Variants in TMEM132D observed in about 807,000 individuals in gnomAD.
TMEM132D encodes the protein mature OL transmembrane protein.
Under a neutral mutation model 62.3 loss-of-function variants are expected in TMEM132D, and 21 were observed. The ratio of observed to expected loss-of-function variants is 0.34; its 90% CI spans 0.24 to 0.49. The LOEUF is 0.49. Among genes scored for constraint, TMEM132D ranks in the 20% least tolerant of loss-of-function variants. TMEM132D has a pLI of 0.99. For missense variants in TMEM132D, 1,346 were observed against 1,402.8 expected (o/e 0.96, Z 0.65); for synonymous variants, 621 against 575.6 (o/e 1.08, Z -1.13).
intron 3 of TMEM132D, among the ~76,000 whole-genome samples, chr12:129,414,340 AT>A (rs1418630804): frequency 6.6e-6 from 1 of 152,242 alleles, no homozygotes; most frequent in Non-Finnish European, 1.5e-5. Context: ...AAATGAATTA[AT>A]TTCAAAGTTG....
chr12:129,636,737 T>TGTGTGTGTGTGTGTGTGTGTGTGTGAGA (rs375868329), intron 2 of TMEM132D, among the ~76,000 whole-genome samples: 1 of 113,562 alleles, frequency 8.8e-6, no homozygotes, highest in Non-Finnish European at 1.8e-5. Flanking sequence ...TGTGTGTGTG[T>TGTGTGTGTGTGTGTGTGTGTGTGTGAGA]GAGAGAGAGA....
intron 3 of TMEM132D, among the ~76,000 whole-genome samples, chr12:129,450,347 TAA>T (rs1482936311): frequency 6.6e-6 from 1 of 152,218 alleles, no homozygotes; most frequent in Non-Finnish European, 1.5e-5. Flanking sequence ...GTTTTACATT[TAA>T]GTCTTGAATC....
chr12:129,315,605 C>CT (rs1566030894), intron 4 of TMEM132D, among the ~76,000 whole-genome samples: 1 of 152,046 alleles, frequency 6.6e-6, no homozygotes, highest in South Asian at 2.1e-4. Context: ...CTGTAGTTTT[C>CT]TTTTTTGGTT....
chr12:129,474,982 C>T (rs866642919), intron 3 of TMEM132D, among the ~76,000 whole-genome samples: 4 of 152,134 alleles, frequency 2.6e-5, no homozygotes, highest in African/African-American at 9.7e-5. Flanking sequence ...CTACTGTGTG[C>T]CTGAGATGGC....
intron 5 of TMEM132D, among the ~76,000 whole-genome samples, chr12:129,133,489 C>A (rs144751720): frequency 6.6e-6 from 1 of 152,384 alleles, no homozygotes; most frequent in East Asian, 1.9e-4. Context: ...GCTTCTTGAT[C>A]TGAAGCCTCC....
At chr12:129,545,347 T>C (rs142767225) in intron 2 of TMEM132D, among the ~76,000 whole-genome samples, 1 of 152,368 alleles carries the variant, frequency 6.6e-6, no homozygotes, top group Non-Finnish European at 1.5e-5. Flanking sequence ...CATCCAGTTC[T>C]CTGCTAGCCC....
At chr12:129,877,638 G>C (rs1210026461) in intron 1 of TMEM132D, among the ~76,000 whole-genome samples, 11 of 151,616 alleles carry the variant, frequency 7.3e-5, no homozygotes, top group Admixed American at 2.6e-4. Flanking sequence ...CAGAGAGAGA[G>C]AGAGAGAGAG....
At chr12:129,337,853 G>A in intron 3 of TMEM132D, 36 bp from the exon 4 acceptor site, 1 of 1,563,844 alleles carries the variant, frequency 6.4e-7, no homozygotes, top group Non-Finnish European at 8.7e-7. Flanking sequence ...AGCTTTCAGG[G>A]ACTGATGAGG....
At chr12:129,768,718 A>C (rs1176130725) in intron 1 of TMEM132D, among the ~76,000 whole-genome samples, 4 of 152,216 alleles carry the variant, frequency 2.6e-5, no homozygotes, top group African/African-American at 9.6e-5. Context: ...CCCTGTCAGC[A>C]GCTCTGCCGA....
At chr12:129,246,414 C>A (rs554154087) in intron 4 of TMEM132D, among the ~76,000 whole-genome samples, 3 of 152,062 alleles carry the variant, frequency 2.0e-5, no homozygotes, top group Non-Finnish European at 4.4e-5. Context: ...AGAAGCTGAA[C>A]CTGACGGGAA....
At chr12:129,836,290 A>C (rs930445299) in intron 1 of TMEM132D, among the ~76,000 whole-genome samples, 2 of 150,662 alleles carry the variant, frequency 1.3e-5, no homozygotes, top group African/African-American at 2.4e-5. Context: ...TTAATCCTCC[A>C]GTCTAATGTG....
At chr12:129,619,928 G>A (rs1269404965) in intron 2 of TMEM132D, among the ~76,000 whole-genome samples, 2 of 152,198 alleles carry the variant, frequency 1.3e-5, no homozygotes, top group African/African-American at 4.8e-5. Flanking sequence ...CTTGTCTCTA[G>A]AAAGTCATCC....
rs1278029297 is a variant in TMEM132D at position 129,877,607 on chromosome 12, G to A, written c.79+25654C>T. 8.5e-5 allele frequency among the ~76,000 whole-genome samples: 8 copies of A among 94,182 alleles called. No homozygotes were observed. The South Asian group carries it at 1.6e-3, about 19-fold the overall frequency. The allele number at this position is 94,182 out of a possible 152,430, so 61.8% of individuals were successfully genotyped here. A position where few individuals can be genotyped will look rare whatever the true frequency, so the allele number is the denominator to read the frequency against. On this transcript the variant is annotated intron_variant, in intron 1 of 8. Coordinates refer to ENST00000422113, the MANE Select transcript of TMEM132D (RefSeq NM_133448.3). ...AATAATACCTATTAACCAAACGCGC[G>A]CGCGCGCACACACACACACACAGAG... is the stretch of plus-strand genomic sequence containing the variant.
At chr12:129,822,959 G>T (rs1196350443) in intron 1 of TMEM132D, among the ~76,000 whole-genome samples, 1 of 152,208 alleles carries the variant, frequency 6.6e-6, no homozygotes, top group African/African-American at 2.4e-5. Flanking sequence ...CAATGTTGGG[G>T]ATGGGACCTG....
At chr12:129,890,084 TG>T (rs1453911430) in intron 1 of TMEM132D, among the ~76,000 whole-genome samples, 1 of 152,208 alleles carries the variant, frequency 6.6e-6, no homozygotes, top group Non-Finnish European at 1.5e-5. Context: ...ATGATGAGTA[TG>T]AAGATTGGCA....
chr12:129,370,757 T>C (rs930816847), intron 3 of TMEM132D, among the ~76,000 whole-genome samples: 1 of 152,218 alleles, frequency 6.6e-6, no homozygotes, highest in Non-Finnish European at 1.5e-5. Flanking sequence ...AGTCATTATG[T>C]TAAGTAAACT....
At chr12:129,264,824 C>T (rs1391306397) in intron 4 of TMEM132D, among the ~76,000 whole-genome samples, 1 of 152,144 alleles carries the variant, frequency 6.6e-6, no homozygotes, top group Non-Finnish European at 1.5e-5. Context: ...AATGAAAAAC[C>T]AAACATTGTA....
At chr12:129,748,674 G>T (rs1869898350) in intron 1 of TMEM132D, among the ~76,000 whole-genome samples, 1 of 152,190 alleles carries the variant, frequency 6.6e-6, no homozygotes, top group Non-Finnish European at 1.5e-5. Context: ...AAGAAGAGAA[G>T]AAAAACTAGG....
intron 5 of TMEM132D, among the ~76,000 whole-genome samples, chr12:129,139,000 G>A (rs910900447): frequency 6.6e-6 from 1 of 152,106 alleles, no homozygotes; most frequent in African/African-American, 2.4e-5. Flanking sequence ...CAGCAGCCTC[G>A]TCAAACTATT....
Sources: allele counts gnomAD v4.1 joint callset (sites outside exome capture counted in the v4.1 genomes callset), GRCh38; gene constraint gnomAD v4.1.1; transcripts MANE v1.5; gene names NCBI Gene and HGNC (gene_info 2026-07-23, HGNC 2026-07-21).